Variants in COL28A1 observed in about 807,000 individuals in gnomAD.
COL28A1 encodes the protein collagen alpha-1(XXVIII) chain.
COL28A1 carries 161 observed loss-of-function variants against 150.2 expected under a neutral mutation model. That is an observed-to-expected ratio of 1.07 (90% CI 0.94 to 1.22). The LOEUF (loss-of-function observed/expected upper bound fraction) is 1.22, where lower values mean the gene tolerates loss of function less well. COL28A1 is among the 50% of genes most tolerant of loss of function. The probability of loss-of-function intolerance (pLI) is 0.00; values close to 1 mark genes in which losing one functional copy is unlikely to be tolerated. For missense variants in COL28A1, 1,617 were observed against 1,388.3 expected (o/e 1.16, Z -2.62); for synonymous variants, 552 against 469.7 (o/e 1.18, Z -2.26).
At chr7:7,453,763 G>A (rs1357217293) in intron 16 of COL28A1, among the ~76,000 whole-genome samples, 1 of 152,180 alleles carries the variant, frequency 6.6e-6, no homozygotes, top group Admixed American at 6.5e-5. Flanking sequence ...AGCCAGGCGT[G>A]GCCATGTGGG....
intron 8 of COL28A1, chr7:7,511,566 G>A (rs543937333): frequency 1.9e-4 from 59 of 310,004 alleles, no homozygotes; most frequent in African/African-American, 1.2e-3. Context: ...TAGCTAGTAA[G>A]TAAAAGAATC....
intron 20 of COL28A1, among the ~76,000 whole-genome samples, chr7:7,443,017 AGAGT>A (rs1785933242): frequency 6.7e-6 from 1 of 149,996 alleles, no homozygotes; most frequent in Non-Finnish European, 1.5e-5. Flanking sequence ...CCTGTGGGAC[AGAGT>A]GAGACTCCGT....
the COL28A1 span, among the ~76,000 whole-genome samples, chr7:7,543,545 T>C: frequency 3.3e-5 from 5 of 152,306 alleles, no homozygotes; most frequent in African/African-American, 4.8e-5. Context: ...AGTCCTACTA[T>C]GTCAGATTTC....
intron 15 of COL28A1, among the ~76,000 whole-genome samples, chr7:7,462,772 T>C (rs998626623): frequency 1.3e-5 from 2 of 150,876 alleles, no homozygotes; most frequent in Non-Finnish European, 2.9e-5. Flanking sequence ...GGCAGGATAA[T>C]CACTTGAACC....
intron 15 of COL28A1, among the ~76,000 whole-genome samples, chr7:7,461,329 G>A (rs1037322354): frequency 6.6e-6 from 1 of 152,192 alleles, no homozygotes; most frequent in African/African-American, 2.4e-5. Flanking sequence ...GCCCACAGGG[G>A]GAAGGAAACC....
chr7:7,513,880 T>A (rs1781283778), intron 8 of COL28A1, among the ~76,000 whole-genome samples: 1 of 152,210 alleles, frequency 6.6e-6, no homozygotes, highest in Non-Finnish European at 1.5e-5. Context: ...GTGGGCTCAT[T>A]AATCCCTGTG....
At position 7,453,426 on chromosome 7, in the gene COL28A1, A is replaced by AT; in HGVS notation, c.1440+13dup. The stretch of plus-strand genomic sequence containing the variant: ...TATAGATATATTAAACTCCGCTCTC[A>AT]TTTACAAAGTTACCTTGGAACCAGG... On this transcript the variant is annotated intron_variant, in intron 17 of 34. Transcript: ENST00000399429. 1 of 1,081,778 alleles carries AT rather than the reference A, an allele frequency of 9.2e-7. No individual in the cohort carries two copies. Among genetic ancestry groups the AT allele is most frequent in the Non-Finnish European group, 1.4e-6 (1 of 693,296 alleles). The allele number at this position is 1,081,778 out of a possible 1,614,324, so 67.0% of individuals were successfully genotyped here.
At chr7:7,530,141 G>A (rs1473396365) in intron 3 of COL28A1, among the ~76,000 whole-genome samples, 1 of 152,170 alleles carries the variant, frequency 6.6e-6, no homozygotes, top group Non-Finnish European at 1.5e-5. Flanking sequence ...ATAGGGTTAA[G>A]CATGCAAACT....
At position 7,531,397 on chromosome 7, in the gene COL28A1, G is replaced by A; in HGVS notation, c.632C>T (p.Thr211Ile). The part of the protein sequence containing the change: ...LISGDSSSEP[T>I]LLLSDPTLVD... ...AAGGGTTGGATCACTCAACAGTAAA[G>A]TGGGTTCACTGGATGAATCCCCAGA... Residue 211 changes from threonine to isoleucine, a missense_variant, in exon 3 of 35, where the codon ACT becomes ATT. Physicochemically the swap from Thr to Ile is moderately conservative, Grantham distance 89. Transcript: ENST00000399429. The A allele has an allele frequency of 6.3e-7, 1 of 1,597,084 alleles. No homozygotes were observed.
the COL28A1 span, among the ~76,000 whole-genome samples, chr7:7,341,294 ATCTAT>A: frequency 6.6e-6 from 1 of 152,158 alleles, no homozygotes; most frequent in African/African-American, 2.4e-5. Context: ...CACTGATCAT[ATCTAT>A]TCATGTTTTC....
At chr7:7,405,607 GGAATTGTAAT>G (rs1369117545) in intron 27 of COL28A1, among the ~76,000 whole-genome samples, 5 of 152,066 alleles carry the variant, frequency 3.3e-5, no homozygotes, top group Non-Finnish European at 7.4e-5. Flanking sequence ...CCAACAAAGA[GGAATTGTAAT>G]GAATGTGTTA....
In COL28A1 at chr7:7,373,748, G is replaced by C. The variant is rs941334608; in HGVS notation, c.2360-202C>G. Reference sequence around the variant, plus strand: ...CAGAGTCTCGCTGTCGCCCAGGTTGGAGTGCAGTGGCGCGATCTCGGCTCA... The same window carrying C: ...CAGAGTCTCGCTGTCGCCCAGGTTGCAGTGCAGTGGCGCGATCTCGGCTCA... On this transcript the variant is annotated intron_variant, in intron 31 of 34. Transcript: ENST00000399429. This position sits in a 1 kb window ranked among gnomAD's most constrained non-coding sequence, Gnocchi z 4.1. Among the ~76,000 whole-genome samples, 1 of 151,414 alleles carries C rather than the reference G, an allele frequency of 6.6e-6. No individual in the cohort carries two copies. Among genetic ancestry groups the C allele is most frequent in the South Asian group, 2.1e-4 (1 of 4,778 alleles).
chr7:7,444,894 C>A (rs183078335), intron 18 of COL28A1, among the ~76,000 whole-genome samples: 1 of 152,128 alleles, frequency 6.6e-6, no homozygotes, highest in Non-Finnish European at 1.5e-5. Flanking sequence ...GGAGGAGGGG[C>A]CTGGTAGGAG....
intron 30 of COL28A1, among the ~76,000 whole-genome samples, chr7:7,376,069 C>T (rs73040622): frequency 0.03 from 4,505 of 152,244 alleles, 103 homozygotes; most frequent in Non-Finnish European, 0.046. Flanking sequence ...TGTTCCTGAA[C>T]GCCCTTTTCT....
At chr7:7,490,547 C>T in intron 12 of COL28A1, 31 bp downstream of exon 12, 2 of 927,920 alleles carry the variant, frequency 2.2e-6, no homozygotes, top group South Asian at 1.4e-5. Flanking sequence ...ATTCAACAGT[C>T]ATCAGTGGGC....
chr7:7,459,258 C>T (rs1787410829), intron 15 of COL28A1, among the ~76,000 whole-genome samples: 1 of 152,136 alleles, frequency 6.6e-6, no homozygotes, highest in African/African-American at 2.4e-5. Context: ...TCTCGCTGCT[C>T]CAAAGGAAGA....
At chr7:7,478,974 A>G (rs935643802) in intron 13 of COL28A1, among the ~76,000 whole-genome samples, 1 of 152,172 alleles carries the variant, frequency 6.6e-6, no homozygotes, top group Non-Finnish European at 1.5e-5. Context: ...CGGCCATCCC[A>G]GGAAGGGGCT....
chr7:7,414,285 C>T (rs59155767), intron 27 of COL28A1, among the ~76,000 whole-genome samples: 2,231 of 152,294 alleles, frequency 0.015, 51 homozygotes, highest in African/African-American at 0.051. Flanking sequence ...TGGAGGCTTA[C>T]AGTGGGACAA....
At chr7:7,352,988 G>T (rs1254843913), downstream of COL28A1, among the ~76,000 whole-genome samples, 1 of 152,164 alleles carries the variant, frequency 6.6e-6, no homozygotes, top group Non-Finnish European at 1.5e-5. Context: ...GAAAGGTGAA[G>T]CCTGGGGCTG....
Sources: gnomAD v4.1 joint callset for allele counts (sites outside exome capture counted in the v4.1 genomes callset) on GRCh38, gnomAD v4.1.1 for gene constraint, Gnocchi (gnomAD v3.1) non-coding constraint, MANE v1.5 for transcripts, NCBI Gene and HGNC (gene_info 2026-07-23, HGNC 2026-07-21) for gene names.